CALD1: variants seen among roughly 807,000 people sequenced by gnomAD.
The protein encoded by CALD1 is caldesmon 1.
A neutral mutation model predicts 99.9 loss-of-function variants in CALD1; 33 were observed. That is an observed-to-expected ratio of 0.33 (90% CI 0.25 to 0.44). The LOEUF is 0.44. Ranked by LOEUF, CALD1 falls within the 20% of genes least tolerant of loss-of-function variation. The pLI is 1.00. For missense variants in CALD1, 861 were observed against 962.1 expected (o/e 0.89, Z 1.39); for synonymous variants, 310 against 325.0 (o/e 0.95, Z 0.50).
chr7:134,944,684 C>A (rs1321208197), intron 7 of CALD1: 1 of 152,054 alleles, frequency 6.6e-6, no homozygotes, highest in Non-Finnish European at 1.5e-5. Flanking sequence ...GTTCCTTAGA[C>A]AAAAGTGTCA....
rs535848549 is a variant in CALD1 at position 134,912,061 on chromosome 7, T to C, written c.72-16693T>C. Among the ~76,000 whole-genome samples the C allele has an allele frequency of 2.6e-5, 4 of 152,124 alleles. No homozygotes were observed. In the South Asian group the frequency reaches 8.3e-4, roughly 32 times the overall value. On this transcript the variant is annotated intron_variant, in intron 3 of 14. Transcript: ENST00000361675. The stretch of plus-strand genomic sequence containing the variant: ...AGAGAAGGAAAGAACCACTTAAGTG[T>C]AATCAAAGAGAGCAAGAGAGTATAA...
chr7:134,741,201 A>G (rs189328228), upstream of CALD1, among the ~76,000 whole-genome samples: 359 of 152,318 alleles, frequency 2.4e-3, 2 homozygotes, highest in African/African-American at 8.1e-3. Flanking sequence ...TCACAGTTCC[A>G]TAAGGCTGGG....
At chr7:134,929,352 G>A (rs958955267) in intron 4 of CALD1, among the ~76,000 whole-genome samples, 2 of 151,544 alleles carry the variant, frequency 1.3e-5, no homozygotes, top group Non-Finnish European at 2.9e-5. Flanking sequence ...CACCCGAGCA[G>A]TACACACCAC....
At chr7:134,962,748 T>G (rs1808373180) in intron 13 of CALD1, 1 of 449,572 alleles carries the variant, frequency 2.2e-6, no homozygotes, top group South Asian at 1.6e-5. Flanking sequence ...AAACTAATGT[T>G]ACACAGAAAT....
chr7:134,714,796 G>C, the CALD1 span, among the ~76,000 whole-genome samples: 1 of 152,206 alleles, frequency 6.6e-6, no homozygotes, highest in South Asian at 2.1e-4. Flanking sequence ...GGAAAGGGGT[G>C]ATAACTTCCG....
chr7:134,843,100 C>A (rs1411336834), intron 1 of CALD1, among the ~76,000 whole-genome samples: 1 of 152,206 alleles, frequency 6.6e-6, no homozygotes, highest in African/African-American at 2.4e-5. Flanking sequence ...CCCTTCCCGT[C>A]TTCCTTCATC....
chr7:134,903,781 G>A (rs925058013), intron 3 of CALD1, among the ~76,000 whole-genome samples: 7 of 152,088 alleles, frequency 4.6e-5, no homozygotes, highest in Admixed American at 6.6e-5. Flanking sequence ...GCTCGGTCAA[G>A]TCCCTGTTTC....
intron 1 of CALD1, among the ~76,000 whole-genome samples, chr7:134,760,909 C>A (rs1259958328): frequency 2.0e-5 from 3 of 151,844 alleles, no homozygotes; most frequent in Non-Finnish European, 4.4e-5. Context: ...ATGTAGGTAC[C>A]CTGTCTTTTC....
intron 13 of CALD1, chr7:134,962,279 G>A (rs773738453): frequency 6.9e-6 from 1 of 145,476 alleles, no homozygotes; most frequent in African/African-American, 2.5e-5. Flanking sequence ...ATGCAGTTAT[G>A]ATTATGATAG....
At chr7:134,726,881 C>G in the CALD1 span, among the ~76,000 whole-genome samples, 69 of 152,324 alleles carry the variant, frequency 4.5e-4, no homozygotes, top group Non-Finnish European at 7.6e-4. Context: ...CTGGACGTCA[C>G]AGCTCACCCC....
intron 9 of CALD1, among the ~76,000 whole-genome samples, chr7:134,956,121 T>TAA (rs56100738): frequency 0.86 from 131,103 of 152,068 alleles, 56,816 homozygotes; most frequent in African/African-American, 0.95. Context: ...CTTTTTTGCA[T>TAA]AGTTTTTTAA....
chr7:134,843,801 A>G (rs1270783662), intron 1 of CALD1, 83 bp from the exon 2 acceptor site: 2 of 152,258 alleles, frequency 1.3e-5, no homozygotes, highest in Non-Finnish European at 2.9e-5. Flanking sequence ...TACTTGAGGA[A>G]GAAATGATAT....
chr7:134,949,436 T>C (rs1416662674), intron 8 of CALD1, among the ~76,000 whole-genome samples: 1 of 152,136 alleles, frequency 6.6e-6, no homozygotes, highest in East Asian at 1.9e-4. Flanking sequence ...AGACAGAGTA[T>C]TCTAGACTAG....
intron 1 of CALD1, among the ~76,000 whole-genome samples, chr7:134,820,838 A>C (rs923859723): frequency 7.2e-5 from 11 of 152,184 alleles, no homozygotes; most frequent in Non-Finnish European, 1.6e-4. Context: ...ATATATTAGC[A>C]TTTCCATCAT....
chr7:134,924,829 C>T (rs1389093809), intron 3 of CALD1, among the ~76,000 whole-genome samples: 1 of 152,094 alleles, frequency 6.6e-6, no homozygotes, highest in East Asian at 1.9e-4. Flanking sequence ...ATCATGGGTG[C>T]AGTTTCCCCC....
chr7:134,773,072 A>C (rs116130845), intron 1 of CALD1, among the ~76,000 whole-genome samples: 1 of 152,176 alleles, frequency 6.6e-6, no homozygotes, highest in South Asian at 2.1e-4. Flanking sequence ...GTATTGGCCC[A>C]TTGGGCCCTT....
chr7:134,732,965 G>C, the CALD1 span, among the ~76,000 whole-genome samples: 1 of 152,198 alleles, frequency 6.6e-6, no homozygotes, highest in Admixed American at 6.5e-5. Context: ...CTTTGCTGAT[G>C]ATCTCCTAGC....
intron 1 of CALD1, among the ~76,000 whole-genome samples, chr7:134,805,686 G>C (rs1241824645): frequency 2.0e-5 from 3 of 151,164 alleles, no homozygotes; most frequent in Non-Finnish European, 4.4e-5. Flanking sequence ...CAGGAGTGCT[G>C]GCTGGCAGAA....
chr7:134,943,730 A>G lies in CALD1; in HGVS notation c.1532+2493A>G, dbSNP rs143095001. Among the ~76,000 whole-genome samples, 1,420 of 152,322 alleles carry G rather than the reference A, an allele frequency of 9.3e-3. 11 individuals are homozygous for G. Among genetic ancestry groups the G allele is most frequent in the Non-Finnish European group, 0.014 (967 of 68,024 alleles). ...ACTAGCAGTAACACTTTTTCCAGATATTTATCTATGTATATAATATTCAAG... is the reference window on the plus strand; with the variant it reads ...ACTAGCAGTAACACTTTTTCCAGATGTTTATCTATGTATATAATATTCAAG... On this transcript the variant is annotated intron_variant, in intron 7 of 14. Transcript: ENST00000361675.
Sources: allele counts gnomAD v4.1 joint callset (sites outside exome capture counted in the v4.1 genomes callset), GRCh38; gene constraint gnomAD v4.1.1; transcripts MANE v1.5; gene names NCBI Gene and HGNC (gene_info 2026-07-23, HGNC 2026-07-21).